The following PARP1 variants were observed in gnomAD, a reference collection of about 807,000 sequenced individuals.
PARP1 encodes the protein poly(ADP-ribose) polymerase 1.
A neutral mutation model predicts 118.7 loss-of-function variants in PARP1; 44 were observed. The ratio of observed to expected loss-of-function variants is 0.37; its 90% CI spans 0.29 to 0.48. The LOEUF (loss-of-function observed/expected upper bound fraction) is 0.48. Ranked by LOEUF, PARP1 falls within the 20% of genes least tolerant of loss-of-function variation. The pLI is 0.99. For synonymous variants in PARP1, 492 were observed against 483.2 expected (o/e 1.02, Z -0.24); for missense variants, 1,100 against 1,272.4 (o/e 0.86, Z 2.06).
intron 16 of PARP1, 44 bp downstream of exon 16, chr1:226,368,155 C>T (rs1486849640): frequency 3.1e-6 from 5 of 1,613,022 alleles, no homozygotes; most frequent in African/African-American, 1.3e-5. Flanking sequence ...GTAGTCACAC[C>T]CCAGCCCAGC....
intron 16 of PARP1, 32 bp from the exon 17 acceptor site, chr1:226,367,640 G>C (rs1383566360): frequency 3.7e-6 from 6 of 1,612,968 alleles, no homozygotes; most frequent in Non-Finnish European, 5.1e-6. Context: ...CCCGACTTAG[G>C]TATCATGGTG....
In PARP1 at chr1:226,390,589, C is replaced by T. The variant is rs752089686; in HGVS notation, c.438G>A (p.Pro146=). Residue 146 remains proline, a synonymous_variant, in exon 4 of 23, where the codon CCG becomes CCA. Transcript: ENST00000366794. ...QVRLSKKMVD[P]EKPQLGMIDR... is the part of the protein sequence containing the mutation. ...CAATCATGCCTAGCTGTGGCTTCTC[C>T]GGGTCCACCATCTTCTTGGACAGGC... 3.3e-5 allele frequency: 53 copies of T among 1,614,054 alleles called. 1 individual carries two copies. The South Asian group carries it at 4.2e-4, about 13-fold the overall frequency.
rs1215386408 is a variant in PARP1, at chr1:226,365,101, C to T, written c.2559G>A (p.Gln853=). 1.2e-6 allele frequency: 2 copies of T among 1,614,232 alleles called. No homozygotes were observed. Among genetic ancestry groups the T allele is most frequent in the South Asian group, 2.2e-5 (2 of 91,086 alleles). Residue 853 remains glutamine (Q), a synonymous_variant, in exon 19 of 23, where the codon CAG becomes CAA. Coordinates refer to ENST00000366794, the MANE Select transcript of PARP1 (RefSeq NM_001618.4). Reference sequence around the variant, plus strand: ...GCCACAGCAATCTTCGGTTATGAAGCTGCTTAAAGGGCTTGTAACGCTGGC... The same window carrying T: ...GCCACAGCAATCTTCGGTTATGAAGTTGCTTAAAGGGCTTGTAACGCTGGC... ...GECQRYKPFK[Q]LHNRRLLWHG... is the part of the protein sequence containing the mutation.
chr1:226,381,033 A>C, intron 9 of PARP1, 35 bp downstream of exon 9: 1 of 1,612,646 alleles, frequency 6.2e-7, no homozygotes, highest in Non-Finnish European at 8.5e-7. Flanking sequence ...ATACAGAAGC[A>C]TTGTCCCTGT....
At chr1:226,394,199 A>G (rs958234232) in intron 2 of PARP1, among the ~76,000 whole-genome samples, 5 of 152,172 alleles carry the variant, frequency 3.3e-5, no homozygotes, top group Non-Finnish European at 7.3e-5. Context: ...AGAAACAAAC[A>G]AAACAACCAA....
At chr1:226,393,198 C>T (rs1373729371) in intron 2 of PARP1, among the ~76,000 whole-genome samples, 7 of 152,116 alleles carry the variant, frequency 4.6e-5, no homozygotes, top group Non-Finnish European at 7.4e-5. Context: ...TAGCAATAAA[C>T]ATACTGGAAA....
Position 226,367,536 on chromosome 1 carries a change from C to T in PARP1, c.2350G>A (p.Asp784Asn). 2 of 1,614,180 alleles carry T rather than the reference C, an allele frequency of 1.2e-6. No homozygotes were observed. Among genetic ancestry groups the T allele is most frequent in the Non-Finnish European group, 1.7e-6 (2 of 1,180,022 alleles). The change falls in exon 17 of 23, where the codon GAT becomes AAT. Residue 784 changes from aspartate to asparagine, a missense_variant. Asp to Asn is a conservative substitution (Grantham distance 23). Coordinates refer to ENST00000366794, the MANE Select transcript of PARP1 (RefSeq NM_001618.4). Reference sequence around the variant, plus strand: ...ACATCGATGGGATCCTTGCTGCTATCATCAGACCCTCCCCTGAGCAGACTG... The same window carrying T: ...ACATCGATGGGATCCTTGCTGCTATTATCAGACCCTCCCCTGAGCAGACTG... ...AYSLLRGGSD[D>N]SSKDPIDVNY...
In PARP1 at chr1:226,368,318, C is replaced by A; in HGVS notation, c.2158G>T (p.Val720Leu). 1.2e-6 allele frequency: 2 copies of A among 1,614,170 alleles called. No individual in the cohort carries two copies. Among genetic ancestry groups the A allele is most frequent in the Non-Finnish European group, 1.7e-6 (2 of 1,180,032 alleles). ...YSILSEVQQA[V>L]SQGSSDSQIL... is the part of the protein sequence containing the mutation. ...TGAGAGTCGCTGCTGCCCTGAGACA[C>A]CGCCTGGAGAGGAGGGGACAGAAGG... Residue 720 changes from valine to leucine, a missense_variant, in exon 16 of 23, where the codon GTG (valine) becomes TTG (leucine). Around this residue, in one of 2 missense-constraint regions of PARP1, gnomAD observed 948 missense variants for 1,031.8 expected, o/e 0.92. Transcript: ENST00000366794.
intron 9 of PARP1, among the ~76,000 whole-genome samples, chr1:226,380,397 A>C (rs946559846): frequency 1.3e-5 from 2 of 152,196 alleles, no homozygotes; most frequent in African/African-American, 4.8e-5. Flanking sequence ...CGATGTTAAC[A>C]AACACTCCAA....
intron 7 of PARP1, 35 bp downstream of exon 7, chr1:226,385,469 C>T: frequency 6.2e-7 from 1 of 1,604,458 alleles, no homozygotes; most frequent in Non-Finnish European, 8.5e-7. Context: ...AGGTTTTTCT[C>T]CCAACAGATC....
chr1:226,368,700 T>C (rs972069988), intron 15 of PARP1, among the ~76,000 whole-genome samples: 1 of 152,208 alleles, frequency 6.6e-6, no homozygotes, highest in African/African-American at 2.4e-5. Context: ...AACATTTTCA[T>C]AATAAAATGT....
At chr1:226,396,330 A>G (rs1432518727) in intron 2 of PARP1, among the ~76,000 whole-genome samples, 10 of 151,970 alleles carry the variant, frequency 6.6e-5, no homozygotes, top group African/African-American at 2.2e-4. Flanking sequence ...TGGGCGACAG[A>G]GCAAGACCCT....
chr1:226,393,819 C>T (rs748644895), intron 2 of PARP1, among the ~76,000 whole-genome samples: 14 of 152,136 alleles, frequency 9.2e-5, no homozygotes, highest in South Asian at 4.1e-4. Context: ...GAACTGTATA[C>T]GTAAGATCTG....
At chr1:226,380,981 G>A in intron 9 of PARP1, 87 bp downstream of exon 9, 1 of 1,463,544 alleles carries the variant, frequency 6.8e-7, no homozygotes. Context: ...TTTCAGCGCT[G>A]TGTTCGACTC....
intron 14 of PARP1, among the ~76,000 whole-genome samples, chr1:226,371,691 C>A (rs1664384436): frequency 6.6e-6 from 1 of 152,222 alleles, no homozygotes; most frequent in Non-Finnish European, 1.5e-5. Context: ...TCAATCAGCT[C>A]TGAAAGCAAT....
Position 226,407,703 on chromosome 1 carries a change from G to GGGCCCC in PARP1, c.120+106_120+107insGGGGCC, listed in dbSNP as rs1173601555. ...CCATAGGCCCCAAGTGCCGCTCCGA[G>GGGCCCC]GGCCCGGGCCCGCTCGCTCCCTGGG... On this transcript the variant is annotated intron_variant, in intron 1 of 22. Coordinates refer to ENST00000366794, the MANE Select transcript of PARP1 (RefSeq NM_001618.4). 460 of 1,047,558 alleles carry GGGCCCC rather than the reference G, an allele frequency of 4.4e-4. 1 individual carries two copies. The African/African-American group carries it at 0.017, about 40-fold the overall frequency. 64.9% of individuals were successfully genotyped at this position (1,047,558 alleles called of 1,614,324 possible).
intron 5 of PARP1, among the ~76,000 whole-genome samples, chr1:226,387,694 G>C (rs572171751): frequency 1.3e-5 from 2 of 152,250 alleles, no homozygotes; most frequent in East Asian, 1.9e-4. Flanking sequence ...GTGACCAAGG[G>C]GGGAGAGCCA....
At chr1:226,371,391 C>T (rs553601783) in intron 14 of PARP1, among the ~76,000 whole-genome samples, 12 of 152,276 alleles carry the variant, frequency 7.9e-5, no homozygotes, top group Middle Eastern at 3.4e-3. Flanking sequence ...AAGAACTGAA[C>T]AAGAATCTTA....
intron 7 of PARP1, among the ~76,000 whole-genome samples, chr1:226,384,763 G>T (rs1664684385): frequency 1.3e-5 from 2 of 152,218 alleles, no homozygotes; most frequent in African/African-American, 2.4e-5. Flanking sequence ...AGTGGAAATG[G>T]AGTTCAGTTG....
Sources: gnomAD v4.1 joint callset for allele counts (sites outside exome capture counted in the v4.1 genomes callset) on GRCh38, gnomAD v4.1.1 for gene constraint, gnomAD v4.1.1 regional missense constraint, MANE v1.5 for transcripts, NCBI Gene and HGNC (gene_info 2026-07-23, HGNC 2026-07-21) for gene names.